PDXDC1: variants seen among roughly 807,000 people sequenced by gnomAD.
The protein encoded by PDXDC1 is pyridoxal dependent decarboxylase domain containing 1, also known as pyridoxal-dependent decarboxylase domain-containing protein 1.
In PDXDC1, 42 loss-of-function variants were observed where a neutral mutation model predicts 100.1. The observed-to-expected ratio is 0.42, with a 90% confidence interval of 0.33 to 0.54. The LOEUF (loss-of-function observed/expected upper bound fraction) is 0.54. Ranked by LOEUF, PDXDC1 falls within the 20% of genes least tolerant of loss-of-function variation. The pLI, the probability that PDXDC1 is intolerant of heterozygous loss-of-function variation, is 0.10. For synonymous variants in PDXDC1, 260 were observed against 371.7 expected, an observed-to-expected ratio of 0.70 and a Z score of 3.46; for missense variants, 636 against 979.2, an observed-to-expected ratio of 0.65 and a Z score of 4.68.
intron 3 of PDXDC1, among the ~76,000 whole-genome samples, chr16:15,000,642 G>A (rs535628952): frequency 1.8e-4 from 28 of 152,376 alleles, no homozygotes; most frequent in African/African-American, 4.8e-4. Flanking sequence ...AATTCTTTTC[G>A]TAACTTTCCA....
chr16:15,081,382 T>G (rs920161712), intron 16 of PDXDC1, among the ~76,000 whole-genome samples: 4 of 152,212 alleles, frequency 2.6e-5, no homozygotes, highest in Admixed American at 6.5e-5. Flanking sequence ...TTGTGAACAC[T>G]TGTTACTGTC....
intron 1 of PDXDC1, among the ~76,000 whole-genome samples, chr16:14,982,528 C>A (rs1227724120): frequency 2.0e-5 from 3 of 152,244 alleles, no homozygotes; most frequent in African/African-American, 7.2e-5. Context: ...GAGATTGTGC[C>A]ACTGCAACAG....
chr16:15,039,935 T>TG, downstream of PDXDC1: 3 of 1,270,662 alleles, frequency 2.4e-6, no homozygotes, highest in Non-Finnish European at 3.4e-6. Context: ...CCTTTTTTTT[T>TG]TTAACCCCTT....
At chr16:15,125,657 C>G (rs2047671387) in intron 16 of PDXDC1, 1 of 1,274,446 alleles carries the variant, frequency 7.8e-7, no homozygotes, top group Non-Finnish European at 1.1e-6. Context: ...GCAGGACCCC[C>G]AGCCCAGCCC....
chr16:15,057,528 T>C (rs1400422665), intron 16 of PDXDC1, among the ~76,000 whole-genome samples: 1 of 152,230 alleles, frequency 6.6e-6, no homozygotes, highest in Non-Finnish European at 1.5e-5. Flanking sequence ...AAGATGCTCC[T>C]AGACTGTACT....
At chr16:15,148,679 T>C in the PDXDC1 span, among the ~76,000 whole-genome samples, 1 of 151,690 alleles carries the variant, frequency 6.6e-6, no homozygotes, top group Non-Finnish European at 1.5e-5. Flanking sequence ...TGACCCCTTG[T>C]CCATGTTTAA....
chr16:14,992,834 C>T lies in PDXDC1; in HGVS notation c.22-4919C>T, dbSNP rs1475188592. Among the ~76,000 whole-genome samples the T allele has an allele frequency of 9.9e-5, 15 of 152,204 alleles. No homozygotes were observed. The South Asian group carries it at 1.7e-3, about 17-fold the overall frequency. On this transcript the variant is annotated intron_variant, in intron 1 of 22. Transcript: ENST00000396410. ...TCCAAAATGTTAGACCAGAATCAGA[C>T]GTTTTTATGCTATACTTTTTTTTTT...
intron 1 of PDXDC1, among the ~76,000 whole-genome samples, chr16:14,981,122 T>C (rs1171855098): frequency 1.3e-5 from 2 of 152,304 alleles, no homozygotes; most frequent in Non-Finnish European, 2.9e-5. Flanking sequence ...GGAAGGATTA[T>C]GTGAAAGAGA....
At chr16:14,991,303 G>GTGTC (rs1970760125) in intron 1 of PDXDC1, among the ~76,000 whole-genome samples, 1 of 139,584 alleles carries the variant, frequency 7.2e-6, no homozygotes, top group Non-Finnish European at 1.6e-5. Context: ...GTGTGTGTGT[G>GTGTC]TGTATTTGTT....
intron 1 of PDXDC1, among the ~76,000 whole-genome samples, chr16:14,997,373 C>A (rs1372377436): frequency 2.0e-5 from 3 of 152,258 alleles, no homozygotes; most frequent in Admixed American, 6.5e-5. Context: ...CCCCCCGTCT[C>A]TACTAAAAAT....
intron 16 of PDXDC1, chr16:15,071,110 A>G (rs746878296): frequency 1.9e-6 from 3 of 1,594,046 alleles, no homozygotes; most frequent in South Asian, 2.3e-5. Context: ...TCGGAAAATT[A>G]GGCTACTTAC....
chr16:15,091,547 C>T (rs1398425634), intron 16 of PDXDC1, among the ~76,000 whole-genome samples: 1 of 151,514 alleles, frequency 6.6e-6, no homozygotes, highest in Non-Finnish European at 1.5e-5. Context: ...CATGTTAGTG[C>T]AGCCAGAGGG....
chr16:15,097,025 G>A (rs2046382016), intron 16 of PDXDC1, among the ~76,000 whole-genome samples: 1 of 152,160 alleles, frequency 6.6e-6, no homozygotes. Context: ...GCTTTGGGAG[G>A]CTGAGGCAGG....
At chr16:15,090,204 T>C (rs2046077294) in intron 16 of PDXDC1, among the ~76,000 whole-genome samples, 1 of 149,384 alleles carries the variant, frequency 6.7e-6, no homozygotes, top group Non-Finnish European at 1.5e-5. Flanking sequence ...GAAGGAGACT[T>C]TGTCTTAAAA....
chr16:15,124,415 C>G (rs1461256632), intron 16 of PDXDC1, among the ~76,000 whole-genome samples: 1 of 152,090 alleles, frequency 6.6e-6, no homozygotes, highest in Admixed American at 6.5e-5. Flanking sequence ...TCTATTGATG[C>G]TACAAATAGA....
chr16:15,142,738 C>A (rs1467356532), downstream of PDXDC1, among the ~76,000 whole-genome samples: 3 of 151,772 alleles, frequency 2.0e-5, no homozygotes, highest in Non-Finnish European at 4.4e-5. Flanking sequence ...CTCGCGCCAG[C>A]CCCCCCACCC....
At position 15,037,807 on chromosome 16, in the gene PDXDC1, A is replaced by AG. The variant is rs2043576584; in HGVS notation, c.*1532_*1533insG. On this transcript the variant is annotated 3_prime_UTR_variant, in exon 23 of 23. Transcript: ENST00000396410. The stretch of plus-strand genomic sequence containing the variant: ...CCCGTTATTACCGACCAAAAAAAAA[A>AG]CTGGACATCAATTTTTTAGTAAACC... 1 of 457,594 alleles carries AG rather than the reference A, an allele frequency of 2.2e-6. No homozygotes were observed. The highest frequency in any genetic ancestry group is 4.3e-5 in the South Asian group (1 of 23,360). The allele number at this position is 457,594 out of a possible 1,614,324, so 28.3% of individuals were successfully genotyped here. A position where few individuals can be genotyped will look rare whatever the true frequency, so the allele number is the denominator to read the frequency against.
chr16:15,056,040 G>GCCGCCC (rs959444079), intron 16 of PDXDC1: 33 of 677,060 alleles, frequency 4.9e-5, no homozygotes, highest in Middle Eastern at 6.1e-4. Flanking sequence ...CGGGCCGCCC[G>GCCGCCC]CCGCCCCCGC....
At chr16:15,031,286 A>T (rs1293258322) in intron 16 of PDXDC1, among the ~76,000 whole-genome samples, 1 of 152,036 alleles carries the variant, frequency 6.6e-6, no homozygotes, top group Non-Finnish European at 1.5e-5. Flanking sequence ...CTGCAAAAGT[A>T]AGCCAGTGAG....
Sources: gnomAD v4.1 joint callset for allele counts (sites outside exome capture counted in the v4.1 genomes callset) on GRCh38, gnomAD v4.1.1 for gene constraint, MANE v1.5 for transcripts, NCBI Gene and HGNC (gene_info 2026-07-23, HGNC 2026-07-21) for gene names.